The following CREB5 variants were observed in gnomAD, a reference collection of about 807,000 sequenced individuals.
CREB5 encodes the protein cyclic AMP-responsive element-binding protein 5.
In CREB5, 19 loss-of-function variants were observed where a neutral mutation model predicts 57.1. That is an observed-to-expected ratio of 0.33 (90% confidence interval 0.23 to 0.49). CREB5 has a LOEUF of 0.49. Ranked by LOEUF, CREB5 falls within the 20% of genes least tolerant of loss-of-function variation. The pLI is 0.99. For missense variants in CREB5, 579 were observed against 671.6 expected, an observed-to-expected ratio of 0.86 and a Z score of 1.52; for synonymous variants, 238 against 238.3, an observed-to-expected ratio of 1.00 and a Z score of 0.01.
intron 5 of CREB5, among the ~76,000 whole-genome samples, chr7:28,622,029 A>G (rs778855733): frequency 6.6e-5 from 10 of 152,158 alleles, no homozygotes; most frequent in Non-Finnish European, 1.0e-4. Context: ...AAGGCCAAAA[A>G]AGATCTTATT....
chr7:28,299,393 A>G (rs1240120755), exon 1 of CREB5: 3 of 152,372 alleles, frequency 2.0e-5, no homozygotes, highest in African/African-American at 7.2e-5. Context: ...GAAACTGCCT[A>G]AAGCATTTAT....
intron 1 of CREB5, among the ~76,000 whole-genome samples, chr7:28,460,422 C>G (rs974268355): frequency 2.0e-5 from 3 of 152,106 alleles, no homozygotes; most frequent in Non-Finnish European, 4.4e-5. Context: ...GAAACTGAGG[C>G]ACAAAGAGAC....
At chr7:28,349,274 G>T (rs1176667717) in intron 1 of CREB5, among the ~76,000 whole-genome samples, 2 of 152,150 alleles carry the variant, frequency 1.3e-5, no homozygotes, top group Admixed American at 1.3e-4. Context: ...GTGCACCAAC[G>T]ATATTTTCCA....
intron 8 of CREB5, 100 bp from the exon 9 acceptor site, chr7:28,809,087 A>G: frequency 9.3e-7 from 1 of 1,079,496 alleles, no homozygotes. Context: ...GAAACGATAG[A>G]CTTTCTGTGC....
chr7:28,736,063 C>A (rs974072904), intron 7 of CREB5, among the ~76,000 whole-genome samples: 2 of 152,126 alleles, frequency 1.3e-5, no homozygotes, highest in Non-Finnish European at 2.9e-5. Context: ...CCTCCCAAAG[C>A]TCTGGGATTA....
At chr7:28,666,351 A>T (rs1418677881) in intron 5 of CREB5, among the ~76,000 whole-genome samples, 5 of 152,148 alleles carry the variant, frequency 3.3e-5, no homozygotes, top group African/African-American at 4.8e-5. Context: ...TAAGCTGAAC[A>T]GGGTTGGGCT....
At chr7:28,465,127 A>C (rs949571052) in intron 1 of CREB5, among the ~76,000 whole-genome samples, 2 of 152,174 alleles carry the variant, frequency 1.3e-5, no homozygotes, top group Non-Finnish European at 2.9e-5. Context: ...AATGGGAGGG[A>C]TATCAGGACT....
chr7:28,480,919 A>G (rs1791296936), intron 1 of CREB5, among the ~76,000 whole-genome samples: 1 of 152,236 alleles, frequency 6.6e-6, no homozygotes, highest in Non-Finnish European at 1.5e-5. Context: ...AAAAATCAGA[A>G]TTAGCCAGTA....
intron 5 of CREB5, among the ~76,000 whole-genome samples, chr7:28,584,471 A>T (rs963283792): frequency 6.6e-6 from 1 of 152,066 alleles, no homozygotes; most frequent in Admixed American, 6.5e-5. Flanking sequence ...ACACAGGGAG[A>T]GTGCCATGTG....
chr7:28,487,056 ACC>A (rs1200147397), intron 1 of CREB5, among the ~76,000 whole-genome samples: 4 of 152,150 alleles, frequency 2.6e-5, no homozygotes, highest in Non-Finnish European at 5.9e-5. Context: ...TTGCTCTGTC[ACC>A]CAGGCTGGAG....
chr7:28,807,363 C>T (rs779254219), intron 8 of CREB5, among the ~76,000 whole-genome samples: 14 of 152,140 alleles, frequency 9.2e-5, no homozygotes, highest in Non-Finnish European at 1.9e-4. Flanking sequence ...GCAGGAGAAT[C>T]GCTTGAACCT....
chr7:28,328,701 T>G (rs1377624908), intron 1 of CREB5, among the ~76,000 whole-genome samples: 1 of 152,234 alleles, frequency 6.6e-6, no homozygotes, highest in Non-Finnish European at 1.5e-5. Context: ...TGGGAAGTGG[T>G]TCTCAAACTT....
At chr7:28,782,518 A>C (rs1261247213) in intron 7 of CREB5, among the ~76,000 whole-genome samples, 2 of 152,234 alleles carry the variant, frequency 1.3e-5, no homozygotes, top group Non-Finnish European at 2.9e-5. Context: ...ATACTAGCAC[A>C]TCACCCCAAG....
rs149113865 is a variant in CREB5 at position 28,349,285 on chromosome 7, A to G, written c.-25+49844A>G. Among the ~76,000 whole-genome samples, 115 of 152,318 alleles carry G rather than the reference A, an allele frequency of 7.5e-4. 1 individual carries two copies. In the East Asian group the frequency reaches 0.019, roughly 25 times the overall value. On this transcript the variant is annotated intron_variant, in intron 1 of 9. Transcript: ENST00000396299. Reference sequence around the variant, plus strand: ...CAAAGTGCACCAACGATATTTTCCAATTTTTCCCTCTTAATTTACTCTTCA... The same window carrying G: ...CAAAGTGCACCAACGATATTTTCCAGTTTTTCCCTCTTAATTTACTCTTCA...
intron 1 of CREB5, among the ~76,000 whole-genome samples, chr7:28,322,322 A>G (rs2127984476): frequency 6.6e-6 from 1 of 152,272 alleles, no homozygotes; most frequent in African/African-American, 2.4e-5. Context: ...TTTCCAATTA[A>G]TCATCTTAGA....
chr7:28,473,771 G>A (rs1790937768), intron 1 of CREB5, among the ~76,000 whole-genome samples: 2 of 152,222 alleles, frequency 1.3e-5, no homozygotes, highest in African/African-American at 4.8e-5. Flanking sequence ...GCTGTCCCAT[G>A]TCTGGAAGGG....
At chr7:28,549,154 A>G (rs1422613939) in intron 4 of CREB5, among the ~76,000 whole-genome samples, 2 of 152,174 alleles carry the variant, frequency 1.3e-5, no homozygotes, top group Non-Finnish European at 2.9e-5. Context: ...TTATTTTTGC[A>G]TGATGTTGGC....
At chr7:28,560,916 G>GTGCA (rs1795177211) in intron 4 of CREB5, among the ~76,000 whole-genome samples, 1 of 54,404 alleles carries the variant, frequency 1.8e-5, no homozygotes, top group African/African-American at 1.2e-4. Flanking sequence ...GTGCGTGTGC[G>GTGCA]TGTGTGCGCG....
intron 7 of CREB5, among the ~76,000 whole-genome samples, chr7:28,790,855 GA>G (rs1185699075): frequency 1.3e-5 from 2 of 152,192 alleles, no homozygotes; most frequent in Non-Finnish European, 2.9e-5. Context: ...ACAGAAATGG[GA>G]GAACTACCCA....
Sources: gnomAD v4.1 joint callset for allele counts (sites outside exome capture counted in the v4.1 genomes callset) on GRCh38, gnomAD v4.1.1 for gene constraint, MANE v1.5 for transcripts, NCBI Gene and HGNC (gene_info 2026-07-23, HGNC 2026-07-21) for gene names.